ARHGAP42: variants seen among roughly 807,000 people sequenced by gnomAD.
ARHGAP42 encodes rho GTPase-activating protein 42.
Under a neutral mutation model 125.0 loss-of-function variants are expected in ARHGAP42, and 63 were observed. The ratio of observed to expected loss-of-function variants is 0.50; its 90% CI spans 0.41 to 0.62. ARHGAP42 has a LOEUF of 0.62. Ranked by LOEUF, ARHGAP42 falls within the 20% of genes least tolerant of loss-of-function variation. The pLI is 0.00. For missense variants in ARHGAP42, 766 were observed against 1,024.2 expected (o/e 0.75, Z 3.44); for synonymous variants, 339 against 351.0 (o/e 0.97, Z 0.38).
chr11:100,838,763 A>G (rs574660287), intron 3 of ARHGAP42, among the ~76,000 whole-genome samples: 3 of 152,268 alleles, frequency 2.0e-5, no homozygotes, highest in Admixed American at 1.3e-4. Flanking sequence ...ATCTACATTT[A>G]ATCTGTTTAT....
chr11:100,931,863 G>C (rs907066232), intron 6 of ARHGAP42, among the ~76,000 whole-genome samples: 1 of 152,076 alleles, frequency 6.6e-6, no homozygotes, highest in African/African-American at 2.4e-5. Flanking sequence ...TGGATAATTT[G>C]ACAAATATAG....
intron 8 of ARHGAP42, among the ~76,000 whole-genome samples, chr11:100,941,290 A>G (rs150381752): frequency 6.6e-6 from 1 of 152,296 alleles, no homozygotes; most frequent in East Asian, 1.9e-4. Flanking sequence ...ACTCACTTGG[A>G]ACCTTGTGGA....
At chr11:100,966,804 A>G (rs568792719) in intron 17 of ARHGAP42, among the ~76,000 whole-genome samples, 112 of 152,280 alleles carry the variant, frequency 7.4e-4, no homozygotes, top group Non-Finnish European at 4.7e-4. Flanking sequence ...TGAGTTTGCT[A>G]TGGTGCTGGA....
intron 1 of ARHGAP42, among the ~76,000 whole-genome samples, chr11:100,726,582 G>A (rs969643264): frequency 4.6e-5 from 7 of 152,128 alleles, no homozygotes; most frequent in South Asian, 2.1e-4. Flanking sequence ...TTCAAAGGAC[G>A]AAAACTTATT....
rs377408314 is a variant in ARHGAP42, at chr11:100,944,007, A to G, written c.1043+139A>G. The G allele has an allele frequency of 4.2e-5, 25 of 588,398 alleles. 1 individual carries two copies. The South Asian group carries it at 6.2e-4, about 15-fold the overall frequency. The allele number at this position is 588,398 out of a possible 1,614,324, so 36.4% of individuals were successfully genotyped here. A position where few individuals can be genotyped will look rare whatever the true frequency, so the allele number is the denominator to read the frequency against. On this transcript the variant is annotated intron_variant, in intron 10 of 23. Transcript: ENST00000298815. The stretch of plus-strand genomic sequence containing the variant: ...GTATACATGTTTATCTCTTTCTTTC[A>G]TGTTGTTATTACATGATGCTTTCGA...
In ARHGAP42 at chr11:100,768,847, G is replaced by A. The variant is rs535697782; in HGVS notation, c.155-1496G>A. ...TATAATCCTCAAAACAATTCTATAA[G>A]GTGGTTATACCATCTTCCCATTTTA... On this transcript the variant is annotated intron_variant, in intron 1 of 23. Coordinates refer to ENST00000298815, the MANE Select transcript of ARHGAP42 (RefSeq NM_152432.4). 2.6e-5 allele frequency among the ~76,000 whole-genome samples: 4 copies of A among 152,270 alleles called. No individual in the cohort carries two copies. The South Asian group carries it at 8.3e-4, about 32-fold the overall frequency.
intron 4 of ARHGAP42, among the ~76,000 whole-genome samples, chr11:100,881,780 A>C (rs1865967941): frequency 6.6e-6 from 1 of 152,130 alleles, no homozygotes; most frequent in Non-Finnish European, 1.5e-5. Flanking sequence ...TTCCTTGTAA[A>C]GGTGTTTTAC....
chr11:100,786,641 A>C (rs1356063734), intron 2 of ARHGAP42, among the ~76,000 whole-genome samples: 1 of 152,162 alleles, frequency 6.6e-6, no homozygotes, highest in African/African-American at 2.4e-5. Flanking sequence ...CTGGGAGAGT[A>C]TCCTAAGGAA....
At chr11:100,708,717 C>G (rs1861515871) in intron 1 of ARHGAP42, among the ~76,000 whole-genome samples, 1 of 152,042 alleles carries the variant, frequency 6.6e-6, no homozygotes, top group African/African-American at 2.4e-5. Flanking sequence ...CACATGCACA[C>G]ACTTAAAAAA....
intron 5 of ARHGAP42, 48 bp from the exon 6 acceptor site, chr11:100,921,446 C>A: frequency 7.5e-7 from 1 of 1,329,078 alleles, no homozygotes; most frequent in South Asian, 1.4e-5. Flanking sequence ...AATTGAGTCC[C>A]TCTCTATGTA....
intron 2 of ARHGAP42, among the ~76,000 whole-genome samples, chr11:100,779,546 A>ATATATG (rs1565210693): frequency 2.1e-5 from 3 of 142,026 alleles, no homozygotes; most frequent in African/African-American, 5.6e-5. Context: ...ATACGTATAT[A>ATATATG]TATACATATA....
At chr11:100,819,744 A>T (rs1171739537) in intron 3 of ARHGAP42, among the ~76,000 whole-genome samples, 1 of 152,206 alleles carries the variant, frequency 6.6e-6, no homozygotes, top group African/African-American at 2.4e-5. Context: ...CCACATAATT[A>T]TATGTTAAAT....
intron 4 of ARHGAP42, among the ~76,000 whole-genome samples, chr11:100,872,585 G>A (rs1865722571): frequency 6.6e-6 from 1 of 152,052 alleles, no homozygotes; most frequent in South Asian, 2.1e-4. Flanking sequence ...TAGAGACGGG[G>A]TTTCACCATG....
At chr11:100,980,576 T>C (rs1373711006) in intron 22 of ARHGAP42, among the ~76,000 whole-genome samples, 9 of 120,572 alleles carry the variant, frequency 7.5e-5, no homozygotes, top group Admixed American at 1.8e-4. Flanking sequence ...TTTTTTTTTT[T>C]TTTTTTTTTT....
rs1295307172 is a variant in ARHGAP42 at position 100,949,970 on chromosome 11, A to G, written c.1162+14A>G. 1.4e-6 allele frequency: 2 copies of G among 1,398,226 alleles called. No homozygotes were observed. Among genetic ancestry groups the G allele is most frequent in the Non-Finnish European group, 2.0e-6 (2 of 1,020,138 alleles). 86.6% of individuals were successfully genotyped at this position (1,398,226 alleles called of 1,614,324 possible). A position where few individuals can be genotyped will look rare whatever the true frequency, so the allele number is the denominator to read the frequency against. On this transcript the variant is annotated intron_variant, in intron 12 of 23. Coordinates refer to ENST00000298815, the MANE Select transcript of ARHGAP42 (RefSeq NM_152432.4). ...AGAAAGAAGAAAGTAAGTCATTTTA[A>G]TAGTTATTTAAAATTTTATCATGAA...
intron 4 of ARHGAP42, among the ~76,000 whole-genome samples, chr11:100,874,962 GT>G (rs1465844703): frequency 6.6e-6 from 1 of 151,972 alleles, no homozygotes; most frequent in Non-Finnish European, 1.5e-5. Context: ...CTCAGGATGA[GT>G]TTTCTACCCT....
At chr11:100,946,208 ACAGT>A (rs1426750021) in intron 10 of ARHGAP42, among the ~76,000 whole-genome samples, 16 of 152,060 alleles carry the variant, frequency 1.1e-4, no homozygotes, top group African/African-American at 3.9e-4. Flanking sequence ...AAAATTGAAG[ACAGT>A]CAGGGCCTTG....
intron 1 of ARHGAP42, among the ~76,000 whole-genome samples, chr11:100,750,247 G>A (rs1260909647): frequency 1.3e-5 from 2 of 152,236 alleles, no homozygotes; most frequent in Non-Finnish European, 2.9e-5. Flanking sequence ...TACAGATGGA[G>A]CAATGGTGAG....
intron 4 of ARHGAP42, among the ~76,000 whole-genome samples, chr11:100,904,240 C>CCT (rs200477263): frequency 2.7e-5 from 4 of 149,896 alleles, no homozygotes; most frequent in Admixed American, 6.8e-5. Context: ...TCCTATTTTT[C>CCT]CTCTCTCTTT....
Sources: gnomAD v4.1 joint callset for allele counts (sites outside exome capture counted in the v4.1 genomes callset) on GRCh38, gnomAD v4.1.1 for gene constraint, MANE v1.5 for transcripts, NCBI Gene and HGNC (gene_info 2026-07-23, HGNC 2026-07-21) for gene names.